DOP1A: variants seen among roughly 807,000 people sequenced by gnomAD.
DOP1A encodes the protein protein DOP1A.
In DOP1A, 90 loss-of-function variants were observed where a neutral mutation model predicts 267.6. That is an observed-to-expected ratio of 0.34 (90% CI 0.28 to 0.40). The LOEUF (loss-of-function observed/expected upper bound fraction) is 0.40. DOP1A is among the 10% of genes least tolerant of loss of function. The pLI, the probability that DOP1A is intolerant of heterozygous loss-of-function variation, is 1.00. For missense variants in DOP1A, 2,437 were observed against 2,900.4 expected, an observed-to-expected ratio of 0.84 and a Z score of 3.67; for synonymous variants, 932 against 999.1, an observed-to-expected ratio of 0.93 and a Z score of 1.27.
chr6:83,129,986 C>A lies in DOP1A; in HGVS notation c.2342-137C>A. Reference sequence around the variant, plus strand: ...GTTGCTACTTTATTAAAGCTCTAGACTAGGTGAGAAACCATGGTTTTGTTA... The same window carrying A: ...GTTGCTACTTTATTAAAGCTCTAGAATAGGTGAGAAACCATGGTTTTGTTA... On this transcript the variant is annotated intron_variant, in intron 16 of 38. Coordinates refer to ENST00000349129, the MANE Select transcript of DOP1A (RefSeq NM_015018.4). The A allele has an allele frequency of 4.0e-6, 4 of 1,005,302 alleles. No individual in the cohort carries two copies. The East Asian group carries it at 7.6e-5, about 19-fold the overall frequency. 62.3% of individuals were successfully genotyped at this position (1,005,302 alleles called of 1,614,324 possible).
At chr6:83,083,542 A>G (rs1055115368) in intron 1 of DOP1A, among the ~76,000 whole-genome samples, 11 of 152,140 alleles carry the variant, frequency 7.2e-5, no homozygotes, top group Admixed American at 5.2e-4. Context: ...TAATTGCCTT[A>G]TATGAACATG....
At chr6:83,129,814 T>G (rs545618725) in intron 16 of DOP1A, among the ~76,000 whole-genome samples, 2 of 152,292 alleles carry the variant, frequency 1.3e-5, no homozygotes, top group Admixed American at 1.3e-4. Context: ...TGTATTTACC[T>G]TTATTTTGAT....
chr6:83,131,648 T>C (rs1778044761), intron 17 of DOP1A, among the ~76,000 whole-genome samples: 1 of 152,046 alleles, frequency 6.6e-6, no homozygotes, highest in Admixed American at 6.6e-5. Context: ...GCAGAAAACA[T>C]TTACATGTCT....
downstream of DOP1A, chr6:83,169,456 A>C: frequency 9.3e-7 from 1 of 1,072,354 alleles, no homozygotes; most frequent in Middle Eastern, 2.2e-4. Flanking sequence ...AATTCTAATG[A>C]AAACCTTTTT....
chr6:83,092,597 A>AC (rs371353939), intron 1 of DOP1A, among the ~76,000 whole-genome samples: 8 of 108,358 alleles, frequency 7.4e-5, no homozygotes, highest in Middle Eastern at 8.9e-3. Flanking sequence ...ATGTTTTAAG[A>AC]CCCCCCTAAT....
At chr6:83,133,213 A>C (rs1778343506) in intron 18 of DOP1A, among the ~76,000 whole-genome samples, 1 of 152,178 alleles carries the variant, frequency 6.6e-6, no homozygotes, top group South Asian at 2.1e-4. Context: ...GTATTCTAAC[A>C]ATTTAAGTTT....
intron 1 of DOP1A, among the ~76,000 whole-genome samples, chr6:83,069,739 A>G (rs1008318862): frequency 6.6e-6 from 1 of 152,220 alleles, no homozygotes; most frequent in African/African-American, 2.4e-5. Context: ...TTTTAAAACC[A>G]TAATTCATGT....
Position 83,129,357 on chromosome 6 carries a change from A to G in DOP1A, c.2190A>G (p.Lys730=). Reference sequence around the variant, plus strand: ...ACAGAAATTCACAAGGAGATGTAAAAGAGAAAAACATAAGTAAACAAAAAA... The same window carrying G: ...ACAGAAATTCACAAGGAGATGTAAAGGAGAAAAACATAAGTAAACAAAAAA... ...KWDRNSQGDV[K]EKNISKQKTS... Residue 730 remains lysine (K), a synonymous_variant, in exon 16 of 39, where the codon AAA becomes AAG. Coordinates refer to ENST00000349129, the MANE Select transcript of DOP1A (RefSeq NM_015018.4). 1.2e-6 allele frequency: 2 copies of G among 1,607,716 alleles called. No individual in the cohort carries two copies. The highest frequency in any genetic ancestry group is 1.7e-6 in the Non-Finnish European group (2 of 1,178,298).
chr6:83,133,968 T>A (rs564310334), intron 18 of DOP1A, among the ~76,000 whole-genome samples: 1 of 152,248 alleles, frequency 6.6e-6, no homozygotes, highest in South Asian at 2.1e-4. Context: ...TGAGACAGGA[T>A]GAGATGATCC....
chr6:83,156,595 T>C (rs1005516588), intron 34 of DOP1A, among the ~76,000 whole-genome samples: 1 of 152,172 alleles, frequency 6.6e-6, no homozygotes, highest in African/African-American at 2.4e-5. Context: ...AGTACACGTG[T>C]CATCACCCTG....
intron 26 of DOP1A, among the ~76,000 whole-genome samples, chr6:83,148,284 C>T (rs1348823929): frequency 6.6e-6 from 1 of 151,918 alleles, no homozygotes; most frequent in Non-Finnish European, 1.5e-5. Context: ...TGGCAGCGCA[C>T]GCCTGTAGTC....
At position 83,122,963 on chromosome 6, in the gene DOP1A, T is replaced by C. The variant is rs1776583858; in HGVS notation, c.1321T>C (p.Trp441Arg). 6.3e-7 allele frequency: 1 copy of C among 1,583,418 alleles called. No homozygotes were observed. The highest frequency in any genetic ancestry group is 8.6e-7 in the Non-Finnish European group (1 of 1,169,408). ...PYYMWDYVAR[W>R]FEECCRRTLH... ...TTATATGTGGGATTATGTTGCACGC[T>C]GGTTTGAAGAATGTTGTAGGTATGT... is the stretch of plus-strand genomic sequence containing the variant. Residue 441 changes from tryptophan (W) to arginine (R), a missense_variant, in exon 12 of 39, where the codon TGG becomes CGG. By Grantham distance (101) the Trp-to-Arg change is moderately radical. Transcript: ENST00000349129.
At chr6:83,073,909 T>C (rs929073722) in intron 1 of DOP1A, among the ~76,000 whole-genome samples, 1 of 152,184 alleles carries the variant, frequency 6.6e-6, no homozygotes, top group South Asian at 2.1e-4. Context: ...TCTAGAGATA[T>C]CAAAGTGGGA....
At chr6:83,079,906 C>T (rs566912925) in intron 1 of DOP1A, among the ~76,000 whole-genome samples, 15 of 152,194 alleles carry the variant, frequency 9.9e-5, no homozygotes, top group African/African-American at 2.9e-4. Flanking sequence ...CCTCATCTTG[C>T]GTTTCACCTC....
chr6:83,134,663 C>G lies in DOP1A; in HGVS notation c.2870+376C>G, dbSNP rs578046820. Among the ~76,000 whole-genome samples the G allele has an allele frequency of 4.6e-5, 7 of 152,248 alleles. No individual in the cohort carries two copies. In the South Asian group the frequency reaches 1.2e-3, roughly 27 times the overall value. ...AATTATTTTCAATCTTCTGCCTAAACTAGATTTATTAAAATCTATAGCTGA... is the reference window on the plus strand; with the variant it reads ...AATTATTTTCAATCTTCTGCCTAAAGTAGATTTATTAAAATCTATAGCTGA... On this transcript the variant is annotated intron_variant, in intron 19 of 38. Coordinates refer to ENST00000349129, the MANE Select transcript of DOP1A (RefSeq NM_015018.4).
chr6:83,090,784 A>G (rs994380156), intron 1 of DOP1A, among the ~76,000 whole-genome samples: 2 of 152,188 alleles, frequency 1.3e-5, no homozygotes, highest in Non-Finnish European at 2.9e-5. Flanking sequence ...GGGGAAAATG[A>G]CTGAGAACTG....
intron 35 of DOP1A, among the ~76,000 whole-genome samples, chr6:83,157,570 G>C (rs951812467): frequency 6.6e-6 from 1 of 152,204 alleles, no homozygotes; most frequent in African/African-American, 2.4e-5. Flanking sequence ...ATCTGGTTTA[G>C]TGTTTAGTCT....
downstream of DOP1A, chr6:83,169,773 C>T: frequency 2.2e-6 from 1 of 457,770 alleles, no homozygotes; most frequent in Non-Finnish European, 4.4e-6. Flanking sequence ...TTTGCCCTGG[C>T]TTTGCACACA....
At chr6:83,165,574 A>C in intron 38 of DOP1A, 1 of 176,260 alleles carries the variant, frequency 5.7e-6, no homozygotes, top group Non-Finnish European at 1.2e-5. Flanking sequence ...CCTGTAGCAT[A>C]AAAATCCATG....
Sources: allele counts gnomAD v4.1 joint callset (sites outside exome capture counted in the v4.1 genomes callset), GRCh38; gene constraint gnomAD v4.1.1; transcripts MANE v1.5; gene names NCBI Gene and HGNC (gene_info 2026-07-23, HGNC 2026-07-21).